WNT3A: variants seen among roughly 807,000 people sequenced by gnomAD.
WNT3A encodes the protein Wnt family member 3A, also known as protein Wnt-3a.
Under a neutral mutation model 37.0 loss-of-function variants are expected in WNT3A, and 17 were observed. The ratio of observed to expected loss-of-function variants is 0.46; its 90% CI spans 0.31 to 0.69. The LOEUF (loss-of-function observed/expected upper bound fraction) is 0.69. WNT3A is among the 30% of genes least tolerant of loss of function. The pLI, the probability that WNT3A is intolerant of heterozygous loss-of-function variation, is 0.05. For synonymous variants in WNT3A, 187 were observed against 211.0 expected (o/e 0.89, Z 0.99); for missense variants, 411 against 510.2 (o/e 0.81, Z 1.87).
chr1:228,019,149 A>G (rs889390895), intron 1 of WNT3A, among the ~76,000 whole-genome samples: 3 of 152,180 alleles, frequency 2.0e-5, no homozygotes, highest in South Asian at 2.1e-4. Context: ...CTGACTCAGC[A>G]CCCTGAGAAT....
intron 3 of WNT3A, among the ~76,000 whole-genome samples, chr1:228,058,528 T>G (rs2124821477): frequency 6.6e-6 from 1 of 152,308 alleles, no homozygotes; most frequent in African/African-American, 2.4e-5. Context: ...GTGACCAGCT[T>G]CCTGGGCCAC....
intron 1 of WNT3A, among the ~76,000 whole-genome samples, chr1:228,010,159 G>C (rs2030326994): frequency 6.6e-6 from 1 of 152,244 alleles, no homozygotes; most frequent in South Asian, 2.1e-4. Context: ...ATGGACAGAG[G>C]ACAGGGCAGC....
At position 228,008,875 on chromosome 1, in the gene WNT3A, G is replaced by T. The variant is rs1214623793; in HGVS notation, c.71+1676G>T. ...GCCTCGGTCCCCATCCACCTCATAT[G>T]CATGTATACCTCCTTTTCACCTGGG... On this transcript the variant is annotated intron_variant, in intron 1 of 3. Transcript: ENST00000284523. This position sits in a 1 kb window ranked among gnomAD's most constrained non-coding sequence, Gnocchi z 4.9. Among the ~76,000 whole-genome samples the T allele has an allele frequency of 6.6e-6, 1 of 152,118 alleles. No homozygotes were observed. Among genetic ancestry groups the T allele is most frequent in the Non-Finnish European group, 1.5e-5 (1 of 68,016 alleles).
At chr1:228,036,376 C>T (rs2031143416) in intron 2 of WNT3A, among the ~76,000 whole-genome samples, 1 of 149,178 alleles carries the variant, frequency 6.7e-6, no homozygotes, top group Admixed American at 6.6e-5. Flanking sequence ...TATGCATGTG[C>T]ATGTGTGTGT....
chr1:228,056,671 C>A (rs2031688515), intron 3 of WNT3A, among the ~76,000 whole-genome samples: 1 of 152,116 alleles, frequency 6.6e-6, no homozygotes, highest in Non-Finnish European at 1.5e-5. Flanking sequence ...AGGTTGCAGA[C>A]CAAACAGGCC....
rs200567302 is a variant in WNT3A, at chr1:228,045,174, T to C, written c.314-5482T>C. 2.6e-5 allele frequency among the ~76,000 whole-genome samples: 4 copies of C among 152,370 alleles called. No individual in the cohort carries two copies. In the East Asian group the frequency reaches 5.8e-4, roughly 22 times the overall value. On this transcript the variant is annotated intron_variant, in intron 2 of 3. Coordinates refer to ENST00000284523, the MANE Select transcript of WNT3A (RefSeq NM_033131.4). ...AGCAGGGATCTCGAGGCCCTTGTTA[T>C]GGGCAGGGCATGAGTGAGGCACAGA... is the stretch of plus-strand genomic sequence containing the variant.
intron 2 of WNT3A, among the ~76,000 whole-genome samples, chr1:228,033,458 T>C (rs371822401): frequency 2.6e-5 from 4 of 152,254 alleles, no homozygotes; most frequent in African/African-American, 9.6e-5. Context: ...GCAACTTTAC[T>C]GCAAATCAGT....
chr1:228,030,639 C>G (rs914113240), intron 2 of WNT3A, among the ~76,000 whole-genome samples: 1 of 152,166 alleles, frequency 6.6e-6, no homozygotes, highest in Admixed American at 6.5e-5. Context: ...GCAGCCCACA[C>G]GGACTGAGAC....
In WNT3A at chr1:228,022,700, G is replaced by A. The variant is rs1380565479; in HGVS notation, c.105G>A (p.Leu35=). 1 of 1,613,984 alleles carries A rather than the reference G, an allele frequency of 6.2e-7. No individual in the cohort carries two copies. Among genetic ancestry groups the A allele is most frequent in the Non-Finnish European group, 8.5e-7 (1 of 1,180,026 alleles). Residue 35 remains leucine, a synonymous_variant, in exon 2 of 4, where the codon CTG becomes CTA. Transcript: ENST00000284523. The stretch of plus-strand genomic sequence containing the variant: ...CTGTTGGGCCACAGTATTCCTCCCT[G>A]GGCTCGCAGCCCATCCTGTGTGCCA... ...SLAVGPQYSS[L]GSQPILCASI...
Position 228,060,297 on chromosome 1 carries a change from T to TA in WNT3A, c.*832_*833insA. 1 of 1,351,014 alleles carries TA rather than the reference T, an allele frequency of 7.4e-7. No individual in the cohort carries two copies. 83.7% of individuals were successfully genotyped at this position (1,351,014 alleles called of 1,614,324 possible). A position where few individuals can be genotyped will look rare whatever the true frequency, so the allele number is the denominator to read the frequency against. On this transcript the variant is annotated 3_prime_UTR_variant, in exon 4 of 4. Coordinates refer to ENST00000284523, the MANE Select transcript of WNT3A (RefSeq NM_033131.4). The stretch of plus-strand genomic sequence containing the variant: ...CCACCCCTGCGTCGAGCTGGGAAGG[T>TA]TCCATGAAGCGAGTCGGGTCCCCAA...
At chr1:228,058,464 C>T (rs986680749) in intron 3 of WNT3A, among the ~76,000 whole-genome samples, 10 of 152,228 alleles carry the variant, frequency 6.6e-5, no homozygotes, top group African/African-American at 2.4e-4. Context: ...GCCCGGTCCC[C>T]CAACAGCCTT....
At position 228,038,797 on chromosome 1, in the gene WNT3A, G is replaced by A. The variant is rs140576063; in HGVS notation, c.314-11859G>A. Among the ~76,000 whole-genome samples the A allele has an allele frequency of 8.4e-3, 1,280 of 152,298 alleles. 19 individuals are homozygous for A. The highest frequency in any genetic ancestry group is 0.029 in the African/African-American group (1,200 of 41,546). On this transcript the variant is annotated intron_variant, in intron 2 of 3. Coordinates refer to ENST00000284523, the MANE Select transcript of WNT3A (RefSeq NM_033131.4). This position sits in a 1 kb window ranked among gnomAD's most constrained non-coding sequence, Gnocchi z 5.7. ...CTGAAGGCCAGTCCCTGGAGTACAGGGAGACTGCTCCTCACTGGTGCATGG... is the reference window on the plus strand; with the variant it reads ...CTGAAGGCCAGTCCCTGGAGTACAGAGAGACTGCTCCTCACTGGTGCATGG...
chr1:228,040,703 G>A (rs932945618), intron 2 of WNT3A, among the ~76,000 whole-genome samples: 1 of 151,864 alleles, frequency 6.6e-6, no homozygotes, highest in Non-Finnish European at 1.5e-5. Flanking sequence ...CTAACACGGT[G>A]AAACCCTTTC....
chr1:228,040,468 C>G (rs757087447), intron 2 of WNT3A, among the ~76,000 whole-genome samples: 1 of 152,152 alleles, frequency 6.6e-6, no homozygotes, highest in Non-Finnish European at 1.5e-5. Flanking sequence ...GAGGCTGCAG[C>G]CTTCTTTGCC....
At chr1:228,022,277 G>A (rs1255676151) in intron 1 of WNT3A, among the ~76,000 whole-genome samples, 3 of 152,112 alleles carry the variant, frequency 2.0e-5, no homozygotes, top group African/African-American at 7.2e-5. Flanking sequence ...GGGCAACATA[G>A]CAGGACCTTG....
In WNT3A at chr1:228,060,364, G is replaced by A; in HGVS notation, c.*899G>A. 1 of 1,254,224 alleles carries A rather than the reference G, an allele frequency of 8.0e-7. No individual in the cohort carries two copies. The highest frequency in any genetic ancestry group is 4.7e-5 in the East Asian group (1 of 21,210). 77.7% of individuals were successfully genotyped at this position (1,254,224 alleles called of 1,614,324 possible). A position where few individuals can be genotyped will look rare whatever the true frequency, so the allele number is the denominator to read the frequency against. ...CCGAGGGCCCCTCTCCAAGCGCCTGGCTTTGGAATGCTCCAGGCGCGCCGA... is the reference window on the plus strand; with the variant it reads ...CCGAGGGCCCCTCTCCAAGCGCCTGACTTTGGAATGCTCCAGGCGCGCCGA... On this transcript the variant is annotated 3_prime_UTR_variant, in exon 4 of 4. Coordinates refer to ENST00000284523, the MANE Select transcript of WNT3A (RefSeq NM_033131.4).
At position 228,022,917 on chromosome 1, in the gene WNT3A, G is replaced by T. The variant is rs1558286472; in HGVS notation, c.313+9G>T. 2 of 1,595,984 alleles carry T rather than the reference G, an allele frequency of 1.3e-6. No homozygotes were observed. Among genetic ancestry groups the T allele is most frequent in the Non-Finnish European group, 1.7e-6 (2 of 1,167,756 alleles). On this transcript the variant is annotated intron_variant, in intron 2 of 3. Coordinates refer to ENST00000284523, the MANE Select transcript of WNT3A (RefSeq NM_033131.4). ...GCCCGTGCTGGACAAAGGTATGGGG[G>T]TGGTCTGGGGGAGGGCAGATGAGTC...
Position 228,007,348 on chromosome 1 carries a change from C to T in WNT3A, c.71+149C>T, listed in dbSNP as rs1002172102. The T allele has an allele frequency of 1.2e-5, 9 of 721,778 alleles. No homozygotes were observed. In the African/African-American group the frequency reaches 1.3e-4, roughly 11 times the overall value. The allele number at this position is 721,778 out of a possible 1,614,324, so 44.7% of individuals were successfully genotyped here. A position where few individuals can be genotyped will look rare whatever the true frequency, so the allele number is the denominator to read the frequency against. ...GCCGCGGGCGGTTGGTTTTCCTTGA[C>T]GGCCACTTTGGACCTGTTCAGGCCG... On this transcript the variant is annotated intron_variant, in intron 1 of 3. Transcript: ENST00000284523. This position sits in a 1 kb window ranked among gnomAD's most constrained non-coding sequence, Gnocchi z 6.0.
chr1:228,019,865 G>A (rs369951713), intron 1 of WNT3A, among the ~76,000 whole-genome samples: 5 of 152,240 alleles, frequency 3.3e-5, no homozygotes, highest in African/African-American at 9.6e-5. Context: ...TGGGTGAAGG[G>A]GAAGCATCTG....
Sources: allele counts gnomAD v4.1 joint callset (sites outside exome capture counted in the v4.1 genomes callset), GRCh38; gene constraint gnomAD v4.1.1; non-coding constraint Gnocchi (gnomAD v3.1); transcripts MANE v1.5; gene names NCBI Gene and HGNC (gene_info 2026-07-23, HGNC 2026-07-21).